The following MYO16 variants were observed in gnomAD, a reference collection of about 807,000 sequenced individuals.
The protein encoded by MYO16 is myosin XVI.
MYO16 carries 94 observed loss-of-function variants against 205.3 expected under a neutral mutation model. That is an observed-to-expected ratio of 0.46 (90% CI 0.39 to 0.54). The LOEUF (loss-of-function observed/expected upper bound fraction) is 0.54, where lower values mean the gene tolerates loss of function less well. Among genes scored for constraint, MYO16 ranks in the 20% least tolerant of loss-of-function variants. The pLI, the probability that MYO16 is intolerant of heterozygous loss-of-function variation, is 0.00. For synonymous variants in MYO16, 988 were observed against 954.0 expected (o/e 1.04, Z -0.66); for missense variants, 2,315 against 2,387.5 (o/e 0.97, Z 0.63).
At chr13:109,185,436 T>A (rs1033245247) in intron 34 of MYO16, among the ~76,000 whole-genome samples, 2 of 152,180 alleles carry the variant, frequency 1.3e-5, no homozygotes, top group African/African-American at 4.8e-5. Context: ...GCTCTTGTTA[T>A]TATGGTATTC....
At chr13:109,156,776 A>G (rs776904888) in intron 32 of MYO16, among the ~76,000 whole-genome samples, 14 of 151,880 alleles carry the variant, frequency 9.2e-5, no homozygotes, top group Non-Finnish European at 1.9e-4. Context: ...GCAAGCCCAC[A>G]TCTGCCCTCC....
Position 109,142,718 on chromosome 13 carries a change from C to T in MYO16, c.5164+1342C>T, listed in dbSNP as rs955882560. Among the ~76,000 whole-genome samples the T allele has an allele frequency of 2.0e-5, 3 of 152,056 alleles. No homozygotes were observed. In the South Asian group the frequency reaches 6.2e-4, roughly 31 times the overall value. On this transcript the variant is annotated intron_variant, in intron 32 of 34. Transcript: ENST00000457511. Reference sequence around the variant, plus strand: ...ACAGGAGTGTGATCTTTTAACTTCACTTCAGCCTCTGATTGGAGGCCACCA... The same window carrying T: ...ACAGGAGTGTGATCTTTTAACTTCATTTCAGCCTCTGATTGGAGGCCACCA...
chr13:108,608,874 C>T (rs1879065104), intron 1 of MYO16, among the ~76,000 whole-genome samples: 1 of 152,132 alleles, frequency 6.6e-6, no homozygotes, highest in Admixed American at 6.5e-5. Context: ...AAACACCCGA[C>T]CTCAGGGGAT....
chr13:108,692,480 C>T (rs928914386), intron 2 of MYO16, among the ~76,000 whole-genome samples: 2 of 152,182 alleles, frequency 1.3e-5, no homozygotes, highest in Admixed American at 6.5e-5. Context: ...GAAGGCCTAA[C>T]TCTGACAGAT....
At chr13:109,177,627 C>T (rs762480764) in intron 33 of MYO16, among the ~76,000 whole-genome samples, 47 of 152,248 alleles carry the variant, frequency 3.1e-4, no homozygotes, top group South Asian at 1.9e-3. Flanking sequence ...AAGCGATTCT[C>T]CTGCCTCAGC....
chr13:108,802,874 T>C (rs1390167048), intron 6 of MYO16, among the ~76,000 whole-genome samples: 2 of 152,246 alleles, frequency 1.3e-5, no homozygotes, highest in Admixed American at 6.5e-5. Context: ...TATCTTCTTT[T>C]GATAAATGTC....
chr13:108,496,981 C>A, the MYO16 span, among the ~76,000 whole-genome samples: 1 of 152,204 alleles, frequency 6.6e-6, no homozygotes, highest in Non-Finnish European at 1.5e-5. Flanking sequence ...GAATCTCATG[C>A]GGTCTCTGGA....
chr13:108,956,542 A>G (rs1244871286), intron 16 of MYO16, among the ~76,000 whole-genome samples: 1 of 151,942 alleles, frequency 6.6e-6, no homozygotes, highest in Non-Finnish European at 1.5e-5. Context: ...CAAGCTATAC[A>G]AAGCCCTGGC....
chr13:108,899,594 G>A (rs997072369), intron 15 of MYO16, among the ~76,000 whole-genome samples: 5 of 152,104 alleles, frequency 3.3e-5, no homozygotes, highest in African/African-American at 9.7e-5. Flanking sequence ...GAGAACTGTC[G>A]TGAGCCTCAA....
intron 1 of MYO16, among the ~76,000 whole-genome samples, chr13:108,651,470 T>C (rs1249830726): frequency 6.6e-6 from 1 of 152,178 alleles, no homozygotes; most frequent in Non-Finnish European, 1.5e-5. Flanking sequence ...GTAAGGGAAA[T>C]AGTAAGTGTC....
chr13:108,783,739 C>T (rs1391645599), intron 4 of MYO16, among the ~76,000 whole-genome samples: 1 of 152,174 alleles, frequency 6.6e-6, no homozygotes, highest in African/African-American at 2.4e-5. Context: ...GAATAAGTCT[C>T]ATGAGATCTG....
chr13:108,721,473 GA>G (rs1884159503), intron 3 of MYO16, among the ~76,000 whole-genome samples: 1 of 152,166 alleles, frequency 6.6e-6, no homozygotes, highest in African/African-American at 2.4e-5. Flanking sequence ...TTCCTCTGTT[GA>G]TAGTGTTCAG....
At chr13:109,168,215 A>G (rs1385620029) in intron 33 of MYO16, among the ~76,000 whole-genome samples, 3 of 152,154 alleles carry the variant, frequency 2.0e-5, no homozygotes, top group African/African-American at 7.2e-5. Context: ...ATGTGAAAAT[A>G]AACTTTATTT....
At chr13:108,870,065 A>T (rs1002066927) in intron 12 of MYO16, among the ~76,000 whole-genome samples, 1 of 151,828 alleles carries the variant, frequency 6.6e-6, no homozygotes, top group African/African-American at 2.4e-5. Flanking sequence ...TTTTACATAG[A>T]TACCAGTTAT....
In MYO16 at chr13:108,793,596, T is replaced by A; in HGVS notation, c.697T>A (p.Ser233Thr). 5.6e-6 allele frequency: 9 copies of A among 1,613,878 alleles called. No homozygotes were observed. The highest frequency in any genetic ancestry group is 7.6e-6 in the Non-Finnish European group (9 of 1,179,814). ...MLTDVKHFLS[S>T]GGNVNEKNDE... ...AACAGATGTCAAACACTTCTTATCA[T>A]CTGGAGGAAATGTCAATGAGAAAAA... The change falls in exon 6 of 35, where the codon TCT becomes ACT. Residue 233 changes from serine (S) to threonine (T), a missense_variant. By Grantham distance (58) the Ser-to-Thr change is moderately conservative. Around this residue, in one of 3 missense-constraint regions of MYO16, gnomAD observed 1,213 missense variants for 1,274.4 expected, o/e 0.95. Transcript: ENST00000457511.
intron 2 of MYO16, among the ~76,000 whole-genome samples, chr13:108,674,035 A>G (rs1194306314): frequency 1.3e-5 from 2 of 152,280 alleles, no homozygotes; most frequent in East Asian, 3.9e-4. Flanking sequence ...CTCTAAATAG[A>G]TGCCTAAAAT....
intron 9 of MYO16, among the ~76,000 whole-genome samples, chr13:108,842,103 A>G (rs1263723594): frequency 6.6e-6 from 1 of 151,992 alleles, no homozygotes; most frequent in Non-Finnish European, 1.5e-5. Flanking sequence ...AAATATAAAA[A>G]CCATAAACCT....
chr13:108,775,175 T>C (rs1157934611), intron 4 of MYO16, among the ~76,000 whole-genome samples: 3 of 152,216 alleles, frequency 2.0e-5, no homozygotes, highest in African/African-American at 7.2e-5. Flanking sequence ...GGCTCTTCAT[T>C]CTGTACAGAA....
intron 16 of MYO16, among the ~76,000 whole-genome samples, chr13:108,916,807 G>A (rs1192446934): frequency 6.6e-6 from 1 of 152,186 alleles, no homozygotes; most frequent in Non-Finnish European, 1.5e-5. Context: ...AGCCAGATAT[G>A]TCACTTGTTC....
Sources: gnomAD v4.1 joint callset for allele counts (sites outside exome capture counted in the v4.1 genomes callset) on GRCh38, gnomAD v4.1.1 for gene constraint, gnomAD v4.1.1 regional missense constraint, MANE v1.5 for transcripts, NCBI Gene and HGNC (gene_info 2026-07-23, HGNC 2026-07-21) for gene names.